B9D1: variants seen among roughly 807,000 people sequenced by gnomAD.
The protein encoded by B9D1 is B9 domain-containing protein 1.
B9D1 carries 20 observed loss-of-function variants against 26.1 expected under a neutral mutation model. The observed-to-expected ratio is 0.77, with a 90% CI of 0.54 to 1.12. B9D1 has a LOEUF of 1.12. Among genes scored for constraint, B9D1 ranks in the 50% most tolerant of loss-of-function variants. The pLI is 0.00. For synonymous variants in B9D1, 105 were observed against 103.1 expected, an observed-to-expected ratio of 1.02 and a Z score of -0.11; for missense variants, 260 against 273.7, an observed-to-expected ratio of 0.95 and a Z score of 0.35.
At chr17:19,367,147 G>A (rs570081255), upstream of B9D1, among the ~76,000 whole-genome samples, 11 of 152,198 alleles carry the variant, frequency 7.2e-5, 1 homozygote, top group South Asian at 2.3e-3. Context: ...AGATAAAGTA[G>A]AAATCTTAGA....
downstream of B9D1, among the ~76,000 whole-genome samples, chr17:19,339,558 T>C (rs1907732393): frequency 6.6e-6 from 1 of 152,232 alleles, no homozygotes; most frequent in Non-Finnish European, 1.5e-5. Context: ...GATTTTCATA[T>C]CATTTGCAAT....
At position 19,347,067 on chromosome 17, in the gene B9D1, T is replaced by G; in HGVS notation, c.404+202A>C. The G allele has an allele frequency of 2.6e-6, 4 of 1,550,876 alleles. No homozygotes were observed. In the South Asian group the frequency reaches 3.6e-5, roughly 14 times the overall value. ...ATTTTTCACAGGGCACAGGGTAAAA[T>G]CGCCCGGCCTTCTGCTGCTGGAACA... On this transcript the variant is annotated intron_variant, in intron 5 of 6. Transcript: ENST00000261499. The surrounding 1 kb of genome is among the most constrained non-coding windows in gnomAD (Gnocchi z 4.3).
At chr17:19,367,061 T>C (rs924593511), upstream of B9D1, among the ~76,000 whole-genome samples, 18 of 152,182 alleles carry the variant, frequency 1.2e-4, no homozygotes, top group African/African-American at 4.3e-4. Context: ...AGCCAGGGCA[T>C]GTATAGCATA....
chr17:19,371,002 G>A (rs1397999237), intron 1 of B9D1, among the ~76,000 whole-genome samples: 6 of 152,186 alleles, frequency 3.9e-5, no homozygotes, highest in Non-Finnish European at 2.9e-5. Context: ...TGGTGCCTTC[G>A]CCTCTCTGGG....
At chr17:19,353,456 G>T (rs1343515760) in intron 3 of B9D1, among the ~76,000 whole-genome samples, 1 of 150,690 alleles carries the variant, frequency 6.6e-6, no homozygotes, top group Non-Finnish European at 1.5e-5. Flanking sequence ...GGCCAACATG[G>T]TGAAACCCCA....
At chr17:19,348,260 C>T (rs931800662) in intron 3 of B9D1, among the ~76,000 whole-genome samples, 6 of 152,028 alleles carry the variant, frequency 3.9e-5, no homozygotes, top group East Asian at 1.9e-4. Flanking sequence ...CTGATGGAGG[C>T]GGGCTCATGG....
At chr17:19,355,315 C>G (rs1481264447) in intron 3 of B9D1, among the ~76,000 whole-genome samples, 2 of 152,040 alleles carry the variant, frequency 1.3e-5, no homozygotes, top group Non-Finnish European at 2.9e-5. Context: ...ATTGCCTGAG[C>G]TCAGGAGTTC....
intron 3 of B9D1, among the ~76,000 whole-genome samples, chr17:19,355,359 A>G (rs1164526221): frequency 6.6e-6 from 1 of 151,924 alleles, no homozygotes; most frequent in African/African-American, 2.4e-5. Flanking sequence ...GAAACCCTGT[A>G]TCTACTAAAA....
intron 1 of B9D1, among the ~76,000 whole-genome samples, chr17:19,371,937 T>C (rs899163278): frequency 2.3e-4 from 35 of 152,188 alleles, no homozygotes; most frequent in African/African-American, 6.0e-4. Flanking sequence ...ACCGGATTAC[T>C]TGTGGCTGCT....
chr17:19,338,506 G>T (rs1239035241), downstream of B9D1, among the ~76,000 whole-genome samples: 2 of 152,210 alleles, frequency 1.3e-5, no homozygotes, highest in South Asian at 4.1e-4. Context: ...GCATTATTTT[G>T]GTCAGAGTGT....
rs1911831849 is a variant in B9D1, at chr17:19,370,340, A to T, written c.-298+7519T>A. Among the ~76,000 whole-genome samples the T allele has an allele frequency of 6.6e-6, 1 of 152,230 alleles. No homozygotes were observed. The highest frequency in any genetic ancestry group is 1.5e-5 in the Non-Finnish European group (1 of 68,030). ...CTGGAGCTCAGGGAGAACAACCCTC[A>T]GAGGAGATGGCCCCTGGCTGAGCCT... is the stretch of plus-strand genomic sequence containing the variant. On this transcript the variant is annotated intron_variant, in intron 1 of 5. Transcript: ENST00000477478. The surrounding 1 kb of genome is among the most constrained non-coding windows in gnomAD (Gnocchi z 5.1).
At chr17:19,354,966 AT>A (rs1485749677) in intron 3 of B9D1, among the ~76,000 whole-genome samples, 2 of 152,122 alleles carry the variant, frequency 1.3e-5, no homozygotes, top group African/African-American at 4.8e-5. Flanking sequence ...GTCTCTCATC[AT>A]TTTTGAAAAG....
At position 19,343,456 on chromosome 17, in the gene B9D1, G is replaced by T. The variant is rs182767811; in HGVS notation, c.478C>A (p.Arg160Ser). 1.9e-6 allele frequency: 3 copies of T among 1,614,172 alleles called. No homozygotes were observed. Among genetic ancestry groups the T allele is most frequent in the Non-Finnish European group, 1.7e-6 (2 of 1,180,016 alleles). Residue 160 changes from arginine (R) to serine (S), a missense_variant, in exon 7 of 7, where the codon CGT becomes AGT. Transcript: ENST00000261499. ...GTGACAAAGCCCTGAGAACGGACAC[G>T]GGTCACTGGGGACAGAAGGGCAGCA... Reference protein sequence around the residue: ...VAQGEGREVTRVRSQGFVTLL... With the variant: ...VAQGEGREVTSVRSQGFVTLL...
At chr17:19,346,764 T>G (rs1297584533) in intron 5 of B9D1, among the ~76,000 whole-genome samples, 1 of 152,150 alleles carries the variant, frequency 6.6e-6, no homozygotes, top group African/African-American at 2.4e-5. Flanking sequence ...CGTCCTGGCT[T>G]CTCTAGCATG....
intron 3 of B9D1, among the ~76,000 whole-genome samples, chr17:19,354,016 GC>G (rs879562410): frequency 3.0e-4 from 46 of 152,068 alleles, no homozygotes; most frequent in Non-Finnish European, 3.2e-4. Flanking sequence ...GACTTTAACT[GC>G]CCCCTGCAAA....
At chr17:19,343,614 G>T in intron 6 of B9D1, 153 bp from the exon 7 acceptor site, 2 of 1,573,142 alleles carry the variant, frequency 1.3e-6, no homozygotes, top group Non-Finnish European at 1.7e-6. Flanking sequence ...GGGCTGCCGG[G>T]ACAGGCAGAC....
rs1908966319 is a variant in B9D1 at position 19,347,341 on chromosome 17, A to G, written c.342-10T>C. ...GATGGTCCTTTTGTGCCTGAAACAA[A>G]TGTTTTTGCAGACAGAGATGCTGAG... On this transcript the variant is annotated splice_polypyrimidine_tract_variant and intron_variant, in intron 4 of 6. Transcript: ENST00000261499. The surrounding 1 kb of genome is among the most constrained non-coding windows in gnomAD (Gnocchi z 4.3). 2.5e-6 allele frequency: 4 copies of G among 1,614,012 alleles called. No individual in the cohort carries two copies. The highest frequency in any genetic ancestry group is 1.7e-5 in the Admixed American group (1 of 60,010).
downstream of B9D1, among the ~76,000 whole-genome samples, chr17:19,342,483 G>A (rs565385019): frequency 2.6e-5 from 4 of 152,208 alleles, no homozygotes; most frequent in Non-Finnish European, 5.9e-5. Flanking sequence ...CATGTCTGCC[G>A]AAAGCTCAGT....
chr17:19,336,963 T>C (rs563385159), downstream of B9D1, among the ~76,000 whole-genome samples: 1 of 152,352 alleles, frequency 6.6e-6, no homozygotes, highest in Non-Finnish European at 1.5e-5. Flanking sequence ...GGGGAAGTGC[T>C]AGCCACTGCC....
Sources: gnomAD v4.1 joint callset for allele counts (sites outside exome capture counted in the v4.1 genomes callset) on GRCh38, gnomAD v4.1.1 for gene constraint, Gnocchi (gnomAD v3.1) non-coding constraint, MANE v1.5 for transcripts, NCBI Gene and HGNC (gene_info 2026-07-23, HGNC 2026-07-21) for gene names.